The following STON2 variants were observed in gnomAD, a reference collection of about 807,000 sequenced individuals.
STON2 encodes the protein stonin 2, also known as stonin-2.
In STON2, 29 loss-of-function variants were observed where a neutral mutation model predicts 65.7. The ratio of observed to expected loss-of-function variants is 0.44; its 90% confidence interval spans 0.33 to 0.60. The LOEUF (loss-of-function observed/expected upper bound fraction) is 0.60. STON2 is among the 20% of genes least tolerant of loss of function. The pLI is 0.03. For missense variants in STON2, 1,054 were observed against 1,118.1 expected (o/e 0.94, Z 0.82); for synonymous variants, 404 against 414.2 (o/e 0.98, Z 0.30).
chr14:81,293,110 G>A (rs774052636), intron 5 of STON2, among the ~76,000 whole-genome samples: 1 of 152,024 alleles, frequency 6.6e-6, no homozygotes, highest in Non-Finnish European at 1.5e-5. Flanking sequence ...GGAAGATAGT[G>A]GGGGCTAAGT....
At position 81,266,240 on chromosome 14, in the gene STON2, G is replaced by C. The variant is rs1894353932; in HGVS notation, c.*2174C>G. ...TATTTTAACTGTTGGGCATTCACAG[G>C]AACAGGAAATCTTACTAACTTGAGT... On this transcript the variant is annotated 3_prime_UTR_variant, in exon 8 of 8. Coordinates refer to ENST00000614646, the MANE Select transcript of STON2 (RefSeq NM_001394390.1). The C allele has an allele frequency of 3.1e-6, 1 of 318,994 alleles. No homozygotes were observed. Among genetic ancestry groups the C allele is most frequent in the Non-Finnish European group, 4.5e-6 (1 of 220,752 alleles). The allele number at this position is 318,994 out of a possible 1,614,324, so 19.8% of individuals were successfully genotyped here. A position where few individuals can be genotyped will look rare whatever the true frequency, so the allele number is the denominator to read the frequency against.
In STON2 at chr14:81,370,863, A is replaced by T. The variant is rs546642738; in HGVS notation, c.571+125T>A. 1.3e-4 allele frequency: 109 copies of T among 854,098 alleles called. 1 individual carries two copies. The Middle Eastern group carries it at 1.4e-3, about 11-fold the overall frequency. 52.9% of individuals were successfully genotyped at this position (854,098 alleles called of 1,614,324 possible). A position where few individuals can be genotyped will look rare whatever the true frequency, so the allele number is the denominator to read the frequency against. ...CTTTGGGTTCTAGCTTTTTGACTGGATAACAACACCTGAACTCATTCTGCA... is the reference window on the plus strand; with the variant it reads ...CTTTGGGTTCTAGCTTTTTGACTGGTTAACAACACCTGAACTCATTCTGCA... On this transcript the variant is annotated intron_variant, in intron 4 of 7. Coordinates refer to ENST00000614646, the MANE Select transcript of STON2 (RefSeq NM_001394390.1).
At chr14:81,312,046 C>T (rs928055851) in intron 5 of STON2, among the ~76,000 whole-genome samples, 5 of 152,208 alleles carry the variant, frequency 3.3e-5, no homozygotes, top group African/African-American at 1.2e-4. Flanking sequence ...CGCTTGTGTA[C>T]GTAGCATGTG....
intron 5 of STON2, among the ~76,000 whole-genome samples, chr14:81,306,477 C>T (rs2140199107): frequency 6.6e-6 from 1 of 152,054 alleles, no homozygotes; most frequent in South Asian, 2.1e-4. Context: ...GCCTGGAACT[C>T]CTGGGCTTAA....
At chr14:81,429,785 A>G (rs575539097) in intron 1 of STON2, among the ~76,000 whole-genome samples, 10 of 152,000 alleles carry the variant, frequency 6.6e-5, no homozygotes, top group African/African-American at 2.4e-4. Context: ...AATACAAAAA[A>G]TCAGCTGGGC....
intron 4 of STON2, chr14:81,332,889 A>G: frequency 4.7e-6 from 1 of 210,624 alleles, no homozygotes; most frequent in South Asian, 1.6e-4. Flanking sequence ...CACAATGGCC[A>G]CAGATAACAT....
At chr14:81,349,570 A>C (rs1897946249) in intron 4 of STON2, among the ~76,000 whole-genome samples, 1 of 152,180 alleles carries the variant, frequency 6.6e-6, no homozygotes, top group Admixed American at 6.5e-5. Flanking sequence ...TACTATCAGG[A>C]ATACAAAAGA....
chr14:81,390,714 T>A (rs1229494842), intron 3 of STON2, among the ~76,000 whole-genome samples: 1 of 152,220 alleles, frequency 6.6e-6, no homozygotes, highest in Non-Finnish European at 1.5e-5. Context: ...CTTAGTACAT[T>A]AGTTTCCTAT....
chr14:81,301,771 C>T (rs1014397617), intron 5 of STON2, among the ~76,000 whole-genome samples: 2 of 152,112 alleles, frequency 1.3e-5, no homozygotes, highest in Non-Finnish European at 2.9e-5. Context: ...AGAACTGAGC[C>T]CATGCAGAGG....
chr14:81,316,241 C>T (rs1379648938), intron 5 of STON2, among the ~76,000 whole-genome samples: 1 of 152,168 alleles, frequency 6.6e-6, no homozygotes, highest in Non-Finnish European at 1.5e-5. Context: ...AAAAGCAGCA[C>T]AGTCACAAAG....
chr14:81,365,564 T>C (rs1898684257), intron 4 of STON2, among the ~76,000 whole-genome samples: 1 of 152,028 alleles, frequency 6.6e-6, no homozygotes, highest in African/African-American at 2.4e-5. Context: ...GAGACCAAAC[T>C]GTCCAACACA....
At chr14:81,282,186 A>T (rs1345343174) in intron 5 of STON2, among the ~76,000 whole-genome samples, 1 of 152,250 alleles carries the variant, frequency 6.6e-6, no homozygotes, top group Non-Finnish European at 1.5e-5. Flanking sequence ...TGAATGCCCA[A>T]CAATGGGAGA....
chr14:81,280,911 G>T (rs1294984735), intron 5 of STON2, among the ~76,000 whole-genome samples: 5 of 151,616 alleles, frequency 3.3e-5, no homozygotes, highest in Non-Finnish European at 5.9e-5. Flanking sequence ...TTCGGGAGGC[G>T]GAGGCAGGAG....
At chr14:81,420,773 C>T (rs537650172) in intron 2 of STON2, among the ~76,000 whole-genome samples, 1 of 152,164 alleles carries the variant, frequency 6.6e-6, no homozygotes, top group Admixed American at 6.5e-5. Context: ...CATGACAATA[C>T]AAAATGGTCA....
intron 4 of STON2, among the ~76,000 whole-genome samples, chr14:81,344,822 T>C (rs1447623887): frequency 2.0e-5 from 3 of 152,384 alleles, no homozygotes; most frequent in East Asian, 1.9e-4. Flanking sequence ...CAGCTGATTA[T>C]TGGGATTAAA....
intron 2 of STON2, among the ~76,000 whole-genome samples, chr14:81,415,208 T>G (rs1353439430): frequency 2.0e-5 from 3 of 152,148 alleles, no homozygotes; most frequent in African/African-American, 7.2e-5. Flanking sequence ...ATAGATGAGG[T>G]ACATTACCTC....
intron 2 of STON2, among the ~76,000 whole-genome samples, chr14:81,426,864 C>T (rs17111817): frequency 0.021 from 3,250 of 152,234 alleles, 128 homozygotes; most frequent in East Asian, 0.17. Context: ...GAGGTAGTCA[C>T]GTAAGCTTCG....
intron 5 of STON2, among the ~76,000 whole-genome samples, chr14:81,298,088 G>A (rs77517187): frequency 0.016 from 2,383 of 152,202 alleles, 77 homozygotes; most frequent in African/African-American, 0.053. Flanking sequence ...ATTAAGTACT[G>A]AGAAAGAGGA....
At chr14:81,397,583 T>C (rs534086433) in intron 2 of STON2, among the ~76,000 whole-genome samples, 34 of 152,322 alleles carry the variant, frequency 2.2e-4, no homozygotes, top group African/African-American at 5.8e-4. Context: ...CTAGGTGTTA[T>C]AAATGACGGT....
Sources: gnomAD v4.1 joint callset for allele counts (sites outside exome capture counted in the v4.1 genomes callset) on GRCh38, gnomAD v4.1.1 for gene constraint, MANE v1.5 for transcripts, NCBI Gene and HGNC (gene_info 2026-07-23, HGNC 2026-07-21) for gene names.